TRIM5: variants seen among roughly 807,000 people sequenced by gnomAD.
TRIM5 encodes the protein tripartite motif-containing protein 5.
TRIM5 carries 31 observed loss-of-function variants against 35.6 expected under a neutral mutation model. The ratio of observed to expected loss-of-function variants is 0.87; its 90% CI spans 0.65 to 1.18. The LOEUF is 1.18. Among genes scored for constraint, TRIM5 ranks in the 50% most tolerant of loss-of-function variants. The probability of loss-of-function intolerance (pLI) is 0.00; values close to 1 mark genes in which losing one functional copy is unlikely to be tolerated. For missense variants in TRIM5, 609 were observed against 591.6 expected, an observed-to-expected ratio of 1.03 and a Z score of -0.31; for synonymous variants, 243 against 215.6, an observed-to-expected ratio of 1.13 and a Z score of -1.11.
chr11:5,668,595 G>A (rs1043111663), intron 4 of TRIM5, among the ~76,000 whole-genome samples: 4 of 151,752 alleles, frequency 2.6e-5, no homozygotes, highest in East Asian at 1.9e-4. Flanking sequence ...GATTACTGGC[G>A]CCCACCATAA....
chr11:5,605,567 G>A, the TRIM5 span: 1 of 1,612,414 alleles, frequency 6.2e-7, no homozygotes, highest in Non-Finnish European at 8.5e-7. Context: ...AGCTGCTGCA[G>A]GTAAGGCTTG....
the TRIM5 span, among the ~76,000 whole-genome samples, chr11:5,644,866 G>A: frequency 3.9e-5 from 6 of 152,052 alleles, no homozygotes; most frequent in African/African-American, 1.2e-4. Flanking sequence ...GGATCATGGG[G>A]GCCTCATGGA....
the TRIM5 span, among the ~76,000 whole-genome samples, chr11:5,622,604 A>G: frequency 6.6e-6 from 1 of 150,718 alleles, no homozygotes; most frequent in East Asian, 2.0e-4. Context: ...GGCGACAAGA[A>G]CGAAACTCCA....
At chr11:5,595,638 C>G in the TRIM5 span, among the ~76,000 whole-genome samples, 87 of 152,244 alleles carry the variant, frequency 5.7e-4, 1 homozygote, top group South Asian at 1.0e-3. Context: ...AGGGTCATCT[C>G]TGGCCTGGTG....
At chr11:5,651,324 T>C in the TRIM5 span, among the ~76,000 whole-genome samples, 1 of 152,202 alleles carries the variant, frequency 6.6e-6, no homozygotes, top group Non-Finnish European at 1.5e-5. Flanking sequence ...TGGGATTTGG[T>C]GTACAGATTG....
chr11:5,644,568 T>C, the TRIM5 span, among the ~76,000 whole-genome samples: 1 of 152,216 alleles, frequency 6.6e-6, no homozygotes, highest in African/African-American at 2.4e-5. Context: ...CTGTTTTTTT[T>C]CTTTTTTATT....
At chr11:5,607,833 T>C in the TRIM5 span, among the ~76,000 whole-genome samples, 2 of 152,282 alleles carry the variant, frequency 1.3e-5, no homozygotes, top group South Asian at 2.1e-4. Flanking sequence ...CTGGTGTATA[T>C]ATTAATCAAA....
chr11:5,602,420 G>C, the TRIM5 span, among the ~76,000 whole-genome samples: 8 of 151,928 alleles, frequency 5.3e-5, no homozygotes, highest in East Asian at 1.4e-3. Context: ...TCCAGCCTGG[G>C]CGACAGAGCA....
At chr11:5,611,527 C>T in the TRIM5 span, 1 of 573,664 alleles carries the variant, frequency 1.7e-6, no homozygotes, top group Non-Finnish European at 3.0e-6. Flanking sequence ...AATCTCGGCT[C>T]ACTGCAACCT....
chr11:5,610,598 T>C, the TRIM5 span: 50 of 1,603,132 alleles, frequency 3.1e-5, 1 homozygote, highest in South Asian at 5.4e-4. Flanking sequence ...GCTGGCACAT[T>C]CTGATCTCCT....
chr11:5,630,168 A>G, the TRIM5 span, among the ~76,000 whole-genome samples: 2 of 152,234 alleles, frequency 1.3e-5, no homozygotes, highest in Non-Finnish European at 2.9e-5. Context: ...CAAGAGTCTC[A>G]ATCCTCTTAC....
chr11:5,603,370 GA>G, the TRIM5 span: 1 of 1,614,050 alleles, frequency 6.2e-7, no homozygotes, highest in South Asian at 1.1e-5. Context: ...TATCTGCCTG[GA>G]GCTCCTAACA....
At chr11:5,624,498 T>C in the TRIM5 span, among the ~76,000 whole-genome samples, 1 of 152,116 alleles carries the variant, frequency 6.6e-6, no homozygotes, top group Non-Finnish European at 1.5e-5. Flanking sequence ...ATAATTCAAA[T>C]TGGTAAACTG....
chr11:5,665,807 G>A (rs940456879), intron 6 of TRIM5, 125 bp from the exon 7 acceptor site: 16 of 1,389,484 alleles, frequency 1.2e-5, no homozygotes, highest in Non-Finnish European at 1.4e-5. Flanking sequence ...GCTGAATGAT[G>A]AGATGAAACA....
chr11:5,599,529 G>C, the TRIM5 span, among the ~76,000 whole-genome samples: 2 of 151,878 alleles, frequency 1.3e-5, no homozygotes, highest in African/African-American at 2.4e-5. Context: ...TCAGCCTCCC[G>C]AGTAGCTGGG....
At chr11:5,624,891 C>A in the TRIM5 span, 1 of 152,310 alleles carries the variant, frequency 6.6e-6, no homozygotes, top group Non-Finnish European at 1.5e-5. Flanking sequence ...CCCCTTTTCT[C>A]TTCCTGACAG....
the TRIM5 span, among the ~76,000 whole-genome samples, chr11:5,639,675 A>G: frequency 1.1e-5 from 1 of 88,380 alleles, no homozygotes; most frequent in Non-Finnish European, 2.3e-5. Context: ...GTGAGACTCT[A>G]TTTCAAAAAA....
At chr11:5,594,589 G>C in the TRIM5 span, among the ~76,000 whole-genome samples, 2 of 152,098 alleles carry the variant, frequency 1.3e-5, no homozygotes. Context: ...TTACAAGCGA[G>C]CCAACATGCC....
the TRIM5 span, among the ~76,000 whole-genome samples, chr11:5,653,357 A>G: frequency 6.6e-6 from 1 of 152,196 alleles, no homozygotes; most frequent in East Asian, 1.9e-4. Flanking sequence ...ATATCTGGAT[A>G]TCTATATCTG....
Sources: allele counts gnomAD v4.1 joint callset (sites outside exome capture counted in the v4.1 genomes callset), GRCh38; gene constraint gnomAD v4.1.1; transcripts MANE v1.5; gene names NCBI Gene and HGNC (gene_info 2026-07-23, HGNC 2026-07-21).